Variants in CPNE7 observed in about 807,000 individuals in gnomAD.
CPNE7 encodes copine 7, also known as copine-7.
In CPNE7, 78 loss-of-function variants were observed where a neutral mutation model predicts 66.5. The ratio of observed to expected loss-of-function variants is 1.17; its 90% CI spans 0.98 to 1.42. The LOEUF (loss-of-function observed/expected upper bound fraction) is 1.42. Ranked by LOEUF, CPNE7 falls within the 40% of genes most tolerant of loss-of-function variation. CPNE7 has a pLI of 0.00. For missense variants in CPNE7, 1,012 were observed against 776.6 expected (o/e 1.30, Z -3.60); for synonymous variants, 468 against 336.7 (o/e 1.39, Z -4.27).
chr16:89,590,137 T>G (rs12927153), intron 11 of CPNE7, among the ~76,000 whole-genome samples, 186 bp downstream of exon 11: 10,639 of 152,278 alleles, frequency 0.07, 447 homozygotes, highest in East Asian at 0.12. Flanking sequence ...CTCCTAGGAC[T>G]TGTTAGCTTG....
chr16:89,592,051 A>G (rs180831888), intron 13 of CPNE7, among the ~76,000 whole-genome samples: 1 of 141,656 alleles, frequency 7.1e-6, no homozygotes, highest in Non-Finnish European at 1.5e-5. Context: ...TCTGTCACCC[A>G]GGCTGGAAGT....
intron 2 of CPNE7, among the ~76,000 whole-genome samples, chr16:89,578,499 C>T (rs1166493658): frequency 6.6e-6 from 1 of 152,180 alleles, no homozygotes; most frequent in Non-Finnish European, 1.5e-5. Context: ...GTGGCTCACA[C>T]CTGTGATCCC....
At chr16:89,587,727 TCACCCACAGA>T (rs2059084294) in intron 9 of CPNE7, 23 of 174,550 alleles carry the variant, frequency 1.3e-4, no homozygotes, top group East Asian at 7.9e-4. Flanking sequence ...CACCCCCGTG[TCACCCACAGA>T]TACACGGCCC....
intron 2 of CPNE7, among the ~76,000 whole-genome samples, chr16:89,581,221 G>A (rs75517269): frequency 6.8e-6 from 1 of 146,850 alleles, no homozygotes; most frequent in African/African-American, 2.6e-5. Context: ...CCATCACATG[G>A]AACATCCCAT....
chr16:89,594,547 CTT>C (rs1567967772), intron 13 of CPNE7, among the ~76,000 whole-genome samples: 1 of 148,760 alleles, frequency 6.7e-6, no homozygotes, highest in Admixed American at 6.8e-5. Flanking sequence ...CCCTGCTTCT[CTT>C]TATGTTTCCC....
At chr16:89,587,716 G>GATACACGGCCCCCATGT (rs1567960695) in intron 9 of CPNE7, 3 of 143,622 alleles carry the variant, frequency 2.1e-5, no homozygotes, top group South Asian at 4.8e-5. Flanking sequence ...CACCCCCATA[G>GATACACGGCCCCCATGT]CACCCCCGTG....
Position 89,575,995 on chromosome 16 carries a change from TG to T in CPNE7, c.99del (p.Leu34TrpfsTer93). 1 of 1,378,722 alleles carries T rather than the reference TG, an allele frequency of 7.3e-7. No homozygotes were observed. 85.4% of individuals were successfully genotyped at this position (1,378,722 alleles called of 1,614,324 possible). A position where few individuals can be genotyped will look rare whatever the true frequency, so the allele number is the denominator to read the frequency against. On this transcript the variant is annotated frameshift_variant, in exon 1 of 15. Coordinates refer to ENST00000319518, the MANE Select transcript of CPNE7 (RefSeq NM_153636.3). LOFTEE classifies it high-confidence loss of function. ...GAGCTGCGGCTCAGCTGCCGGCACC[TG>T]CTGGACCGCGACCCGCTCACCAAGT... ...KVELRLSCRH[L>X]LDRDPLTKSD...
At chr16:89,595,263 C>T in intron 13 of CPNE7, 104 bp from the exon 14 acceptor site, 1 of 891,620 alleles carries the variant, frequency 1.1e-6, no homozygotes, top group Non-Finnish European at 1.8e-6. Context: ...CTAGGAAGCT[C>T]TGACGCACGG....
chr16:89,577,605 T>A lies in CPNE7; in HGVS notation c.241T>A (p.Tyr81Asn). ...PVFSKVFTVD[Y>N]YFEEVQRLRF... ...GTTCTCCAAGGTCTTCACGGTGGAC[T>A]ACTACTTCGAGGAGGTGCAGAGGCT... The change falls in exon 2 of 15, where the codon TAC (tyrosine) becomes AAC (asparagine). Residue 81 changes from tyrosine to asparagine, a missense_variant. By Grantham distance (143) the Tyr-to-Asn change is moderately radical. Transcript: ENST00000319518. 1 of 1,560,314 alleles carries A rather than the reference T, an allele frequency of 6.4e-7. No homozygotes were observed. The highest frequency in any genetic ancestry group is 8.7e-7 in the Non-Finnish European group (1 of 1,151,608).
At position 89,588,678 on chromosome 16, in the gene CPNE7, GC is replaced by G; in HGVS notation, c.933del (p.Ile312LeufsTer28). The G allele has an allele frequency of 2.5e-6, 4 of 1,613,130 alleles. No individual in the cohort carries two copies. The highest frequency in any genetic ancestry group is 3.4e-6 in the Non-Finnish European group (4 of 1,179,928). ...MGGCQIHFTV[A>X]IDFTASNGDP... is the part of the protein sequence containing the mutation. ...CCTGGCTCCCGGCCCACTGCAGGTG[GC>G]CATTGACTTCACCGCCTCCAATGGA... On this transcript the variant is annotated frameshift_variant, in exon 10 of 15. Coordinates refer to ENST00000319518, the MANE Select transcript of CPNE7 (RefSeq NM_153636.3). LOFTEE classifies it high-confidence loss of function.
chr16:89,584,993 G>A lies in CPNE7; in HGVS notation c.591+136G>A. 2.5e-6 allele frequency: 2 copies of A among 795,826 alleles called. No homozygotes were observed. The highest frequency in any genetic ancestry group is 4.1e-6 in the Non-Finnish European group (2 of 492,834). 49.3% of individuals were successfully genotyped at this position (795,826 alleles called of 1,614,324 possible). A position where few individuals can be genotyped will look rare whatever the true frequency, so the allele number is the denominator to read the frequency against. On this transcript the variant is annotated intron_variant, in intron 5 of 14. Coordinates refer to ENST00000319518, the MANE Select transcript of CPNE7 (RefSeq NM_153636.3). This position sits in a 1 kb window ranked among gnomAD's most constrained non-coding sequence, Gnocchi z 6.0. ...CAGGGCTTTGGTGGCTGTGGCTATG[G>A]CCAGAATCCAACAGGGAGCCGCAGG...
At chr16:89,591,957 C>A (rs2059177963) in intron 13 of CPNE7, among the ~76,000 whole-genome samples, 1 of 151,730 alleles carries the variant, frequency 6.6e-6, no homozygotes, top group Admixed American at 6.6e-5. Context: ...CCTCGGCCTC[C>A]CAAAGTGCTG....
rs1298871120 is a variant in CPNE7, at chr16:89,586,723, G to C, written c.834G>C (p.Lys278Asn). ...PKYKQKRRSY[K>N]NSGVVVLADL... ...ACAAGCAGAAGAGACGCAGTTATAAGAACTCAGGAGTGGTCGTCCTGGCTG... is the reference window on the plus strand; with the variant it reads ...ACAAGCAGAAGAGACGCAGTTATAACAACTCAGGAGTGGTCGTCCTGGCTG... The change falls in exon 8 of 15, where the codon AAG (lysine) becomes AAC (asparagine). Residue 278 changes from lysine (K) to asparagine (N), a missense_variant. Coordinates refer to ENST00000319518, the MANE Select transcript of CPNE7 (RefSeq NM_153636.3). 6.2e-7 allele frequency: 1 copy of C among 1,612,812 alleles called. No individual in the cohort carries two copies. Among genetic ancestry groups the C allele is most frequent in the East Asian group, 2.2e-5 (1 of 44,730 alleles).
chr16:89,589,960 G>C lies in CPNE7; in HGVS notation c.1116+9G>C, dbSNP rs199966463. 3 of 1,613,474 alleles carry C rather than the reference G, an allele frequency of 1.9e-6. No homozygotes were observed. Among genetic ancestry groups the C allele is most frequent in the South Asian group, 1.1e-5 (1 of 91,066 alleles). ...TCCCTCCCAAGTATGAGGTAGGAGA[G>C]CCCAGAACCTGAGACCTCAGAGCTG... On this transcript the variant is annotated intron_variant, in intron 11 of 14. Transcript: ENST00000319518.
At chr16:89,581,382 G>A (rs755022950) in intron 2 of CPNE7, among the ~76,000 whole-genome samples, 14 of 151,860 alleles carry the variant, frequency 9.2e-5, no homozygotes, top group Non-Finnish European at 1.8e-4. Flanking sequence ...CCCGTCACCC[G>A]CAGCTGCCCC....
rs1187645302 is a variant in CPNE7, at chr16:89,591,276, G to A, written c.1302+16G>A. 1.3e-6 allele frequency: 2 copies of A among 1,556,190 alleles called. No homozygotes were observed. The highest frequency in any genetic ancestry group is 2.3e-5 in the East Asian group (1 of 43,348). On this transcript the variant is annotated intron_variant, in intron 13 of 14. Coordinates refer to ENST00000319518, the MANE Select transcript of CPNE7 (RefSeq NM_153636.3). ...GAAAGCCTCTGTAGGTGCCCGGGGG[G>A]TGTGGTGCATGCTTGGTGTGGGGTC...
chr16:89,586,715 A>G lies in CPNE7; in HGVS notation c.826A>G (p.Ser276Gly). The G allele has an allele frequency of 6.2e-7, 1 of 1,612,668 alleles. No homozygotes were observed. The highest frequency in any genetic ancestry group is 8.5e-7 in the Non-Finnish European group (1 of 1,179,644). The change falls in exon 8 of 15, where the codon AGT (serine) becomes GGT (glycine). Residue 276 changes from serine (S) to glycine (G), a missense_variant. Transcript: ENST00000319518. Reference protein sequence around the residue: ...VNPKYKQKRRSYKNSGVVVLA... With the variant: ...VNPKYKQKRRGYKNSGVVVLA... ...CCCCAAATACAAGCAGAAGAGACGC[A>G]GTTATAAGAACTCAGGAGTGGTCGT...
At chr16:89,582,452 C>A (rs952855577) in intron 2 of CPNE7, among the ~76,000 whole-genome samples, 1 of 152,236 alleles carries the variant, frequency 6.6e-6, no homozygotes, top group Non-Finnish European at 1.5e-5. Context: ...TCCTTTCCTG[C>A]GCCCTCCCTG....
At chr16:89,581,163 C>T (rs926083165) in intron 2 of CPNE7, among the ~76,000 whole-genome samples, 5 of 151,620 alleles carry the variant, frequency 3.3e-5, no homozygotes, top group African/African-American at 4.9e-5. Flanking sequence ...TCCCGTCACC[C>T]GTCACACGGA....
Sources: gnomAD v4.1 joint callset for allele counts (sites outside exome capture counted in the v4.1 genomes callset) on GRCh38, gnomAD v4.1.1 for gene constraint, Gnocchi (gnomAD v3.1) non-coding constraint, MANE v1.5 for transcripts, NCBI Gene and HGNC (gene_info 2026-07-23, HGNC 2026-07-21) for gene names.